SLC39A11: variants seen among roughly 807,000 people sequenced by gnomAD.
SLC39A11 encodes the protein solute carrier family 39 member 11.
A neutral mutation model predicts 36.1 loss-of-function variants in SLC39A11; 33 were observed. The observed-to-expected ratio is 0.91, with a 90% CI of 0.69 to 1.22. The LOEUF (loss-of-function observed/expected upper bound fraction) is 1.22, where lower values mean the gene tolerates loss of function less well. Among genes scored for constraint, SLC39A11 ranks in the 50% most tolerant of loss-of-function variants. The probability of loss-of-function intolerance (pLI) is 0.00; values close to 1 mark genes in which losing one functional copy is unlikely to be tolerated. For missense variants in SLC39A11, 432 were observed against 430.3 expected (o/e 1.00, Z -0.03); for synonymous variants, 166 against 170.3 (o/e 0.97, Z 0.20).
At chr17:72,976,986 C>G (rs1221855210) in intron 4 of SLC39A11, among the ~76,000 whole-genome samples, 1 of 152,198 alleles carries the variant, frequency 6.6e-6, no homozygotes. Context: ...CCCTTATCCC[C>G]AGGACCTATG....
At chr17:73,018,419 G>T (rs776113455) in intron 4 of SLC39A11, among the ~76,000 whole-genome samples, 4 of 152,010 alleles carry the variant, frequency 2.6e-5, no homozygotes, top group South Asian at 2.1e-4. Flanking sequence ...GTGATGGCAG[G>T]CTCCTGTAAT....
chr17:72,891,502 T>C (rs2081743272), intron 5 of SLC39A11, among the ~76,000 whole-genome samples: 2 of 152,114 alleles, frequency 1.3e-5, no homozygotes, highest in Non-Finnish European at 2.9e-5. Context: ...CCCACCCTCA[T>C]AGCCTCCCAC....
intron 1 of SLC39A11, among the ~76,000 whole-genome samples, chr17:73,090,773 G>C (rs1415825457): frequency 6.6e-6 from 1 of 152,160 alleles, no homozygotes; most frequent in East Asian, 1.9e-4. Context: ...CTGGTGGTTA[G>C]TGGGATAGGG....
intron 3 of SLC39A11, among the ~76,000 whole-genome samples, chr17:73,050,445 G>A (rs949362484): frequency 6.7e-6 from 1 of 149,508 alleles, no homozygotes; most frequent in Non-Finnish European, 1.5e-5. Context: ...ATAGGAGCAG[G>A]GAGCCATGTG....
At chr17:72,889,372 G>A (rs1367124474) in intron 5 of SLC39A11, among the ~76,000 whole-genome samples, 4 of 151,990 alleles carry the variant, frequency 2.6e-5, no homozygotes, top group African/African-American at 9.6e-5. Flanking sequence ...AAAATCAGCT[G>A]GGCATGGTGG....
At position 73,077,920 on chromosome 17, in the gene SLC39A11, T is replaced by C. The variant is rs16977518; in HGVS notation, c.147+6888A>G. ...TTATTTTGGTTTTTGTCTTTTGCTA[T>C]GTGAATCTTACAATAGCTTCTGATC... On this transcript the variant is annotated intron_variant, in intron 3 of 9. Coordinates refer to ENST00000255559, the MANE Select transcript of SLC39A11 (RefSeq NM_139177.4). Among the ~76,000 whole-genome samples the C allele has an allele frequency of 8.5e-3, 1,291 of 152,338 alleles. 22 individuals carry two copies. Among genetic ancestry groups the C allele is most frequent in the African/African-American group, 0.029 (1,210 of 41,568 alleles).
At chr17:72,657,596 C>T (rs1222399374) in intron 7 of SLC39A11, among the ~76,000 whole-genome samples, 1 of 152,032 alleles carries the variant, frequency 6.6e-6, no homozygotes, top group East Asian at 1.9e-4. Context: ...ACTAGGGTGC[C>T]CAACCATTCC....
intron 5 of SLC39A11, among the ~76,000 whole-genome samples, chr17:72,869,815 A>C (rs2080512234): frequency 1.3e-5 from 2 of 152,364 alleles, no homozygotes; most frequent in East Asian, 3.9e-4. Flanking sequence ...TTCGTGTTTA[A>C]AATGCAAATA....
intron 7 of SLC39A11, among the ~76,000 whole-genome samples, chr17:72,724,615 C>T (rs1247020694): frequency 6.6e-6 from 1 of 152,078 alleles, no homozygotes; most frequent in East Asian, 1.9e-4. Context: ...ACCAGGAGCT[C>T]TGACTTGAGT....
At chr17:72,808,451 C>T (rs1255829253) in intron 6 of SLC39A11, among the ~76,000 whole-genome samples, 2 of 152,200 alleles carry the variant, frequency 1.3e-5, no homozygotes, top group African/African-American at 4.8e-5. Flanking sequence ...AACTGATCCC[C>T]TTCCTGTTCA....
At chr17:72,729,425 A>T (rs1274388685) in intron 7 of SLC39A11, among the ~76,000 whole-genome samples, 3 of 2,872 alleles carry the variant, frequency 1.0e-3, no homozygotes, top group East Asian at 7.8e-3. Context: ...ATATATATAT[A>T]TATATATATA....
chr17:72,860,435 A>C (rs903445200), intron 5 of SLC39A11, among the ~76,000 whole-genome samples: 1 of 152,234 alleles, frequency 6.6e-6, no homozygotes, highest in South Asian at 2.1e-4. Flanking sequence ...GCCCACATGC[A>C]GATTAAAAGT....
At chr17:72,906,740 T>A (rs954204006) in intron 5 of SLC39A11, among the ~76,000 whole-genome samples, 1 of 152,120 alleles carries the variant, frequency 6.6e-6, no homozygotes, top group Non-Finnish European at 1.5e-5. Flanking sequence ...AGGCCCAAAA[T>A]CAAAATACAC....
chr17:73,003,516 G>A (rs2089947289), intron 4 of SLC39A11, among the ~76,000 whole-genome samples: 1 of 152,132 alleles, frequency 6.6e-6, no homozygotes, highest in Non-Finnish European at 1.5e-5. Context: ...CCCAGGCTAG[G>A]ATGAGACTGG....
intron 4 of SLC39A11, among the ~76,000 whole-genome samples, chr17:73,001,533 T>C (rs900510341): frequency 6.6e-6 from 1 of 151,432 alleles, no homozygotes; most frequent in Non-Finnish European, 1.5e-5. Flanking sequence ...CTGCACATTG[T>C]GCACATGTAC....
At chr17:73,047,477 T>C (rs899807892) in intron 3 of SLC39A11, among the ~76,000 whole-genome samples, 2 of 152,152 alleles carry the variant, frequency 1.3e-5, no homozygotes, top group Non-Finnish European at 2.9e-5. Flanking sequence ...GTAACACTCG[T>C]AAATAAAATA....
intron 6 of SLC39A11, among the ~76,000 whole-genome samples, chr17:72,848,683 T>C (rs925117861): frequency 4.0e-5 from 6 of 148,764 alleles, no homozygotes; most frequent in Middle Eastern, 3.5e-3. Flanking sequence ...ATCGCTCCAC[T>C]GCACTCCAGC....
chr17:72,963,794 T>A (rs1383976182), intron 4 of SLC39A11, among the ~76,000 whole-genome samples: 1 of 152,150 alleles, frequency 6.6e-6, no homozygotes, highest in Non-Finnish European at 1.5e-5. Flanking sequence ...AGGGAAGATA[T>A]CTGTGTTGGC....
rs905647979 is a variant in SLC39A11, at chr17:72,647,282, C to T, written c.*302G>A. The T allele has an allele frequency of 5.6e-5, 13 of 231,092 alleles. No homozygotes were observed. Among genetic ancestry groups the T allele is most frequent in the South Asian group, 2.8e-4 (4 of 14,078 alleles). 14.3% of individuals were successfully genotyped at this position (231,092 alleles called of 1,614,324 possible). ...GAGTTGGGAGGCAGATAGAAGGTCC[C>T]GAAGTGGAGATTTCCCTGATCTGAA... On this transcript the variant is annotated 3_prime_UTR_variant, in exon 10 of 10. Transcript: ENST00000255559.
Sources: allele counts gnomAD v4.1 joint callset (sites outside exome capture counted in the v4.1 genomes callset), GRCh38; gene constraint gnomAD v4.1.1; transcripts MANE v1.5; gene names NCBI Gene and HGNC (gene_info 2026-07-23, HGNC 2026-07-21).